PGCKA1: variants seen among roughly 807,000 people sequenced by gnomAD.
PGCKA1 encodes PDCD10 and GCKIII kinases-associated protein 1.
chr4:37,558,841 A>G, the PGCKA1 span, among the ~76,000 whole-genome samples: 1 of 132,236 alleles, frequency 7.6e-6, no homozygotes, highest in African/African-American at 3.0e-5. Context: ...AACACATGAA[A>G]AAATGCTCAC....
chr4:37,555,715 G>A, the PGCKA1 span, among the ~76,000 whole-genome samples: 1 of 152,182 alleles, frequency 6.6e-6, no homozygotes, highest in Non-Finnish European at 1.5e-5. Flanking sequence ...ATTTGATGCT[G>A]TTGGACTGGT....
At chr4:37,587,841 C>T in the PGCKA1 span, among the ~76,000 whole-genome samples, 524 of 152,070 alleles carry the variant, frequency 3.4e-3, 3 homozygotes, top group Non-Finnish European at 3.8e-3. Flanking sequence ...TGGTGGCACC[C>T]GCCTGTAAAC....
At chr4:37,499,038 C>T in the PGCKA1 span, among the ~76,000 whole-genome samples, 53 of 152,060 alleles carry the variant, frequency 3.5e-4, no homozygotes, top group African/African-American at 1.2e-3. Flanking sequence ...AATGAAGGGG[C>T]GTTGAATTTT....
At chr4:37,551,216 A>T in the PGCKA1 span, among the ~76,000 whole-genome samples, 1 of 152,196 alleles carries the variant, frequency 6.6e-6, no homozygotes, top group African/African-American at 2.4e-5. Context: ...AATTGACACC[A>T]TTAAACCATC....
chr4:37,505,528 A>G, the PGCKA1 span, among the ~76,000 whole-genome samples: 488 of 152,314 alleles, frequency 3.2e-3, 1 homozygote, highest in Non-Finnish European at 3.5e-3. Flanking sequence ...AAACAGGTTT[A>G]ATCAGGCTTA....
At chr4:37,588,142 T>G in the PGCKA1 span, 1 of 152,104 alleles carries the variant, frequency 6.6e-6, no homozygotes, top group Non-Finnish European at 1.5e-5. Flanking sequence ...AAGCCCAGCT[T>G]GGGGAGGGGT....
At chr4:37,481,074 G>A in the PGCKA1 span, among the ~76,000 whole-genome samples, 1 of 152,184 alleles carries the variant, frequency 6.6e-6, no homozygotes, top group African/African-American at 2.4e-5. Flanking sequence ...CAAATTATTT[G>A]AACCTAGATT....
At chr4:37,572,661 T>C in the PGCKA1 span, among the ~76,000 whole-genome samples, 1 of 152,220 alleles carries the variant, frequency 6.6e-6, no homozygotes, top group Non-Finnish European at 1.5e-5. Flanking sequence ...TTTTGGAATA[T>C]TTGCATGTAT....
At chr4:37,583,448 T>G in the PGCKA1 span, among the ~76,000 whole-genome samples, 6 of 149,004 alleles carry the variant, frequency 4.0e-5, no homozygotes, top group South Asian at 6.5e-4. Context: ...TTTGTTTTTT[T>G]TTTTTTGAGA....
chr4:37,543,624 G>A, the PGCKA1 span, among the ~76,000 whole-genome samples: 31 of 151,682 alleles, frequency 2.0e-4, no homozygotes, highest in African/African-American at 7.5e-4. Context: ...GGCGGATCAC[G>A]AGGTCAGGAG....
chr4:37,533,610 A>G, the PGCKA1 span, among the ~76,000 whole-genome samples: 2 of 152,202 alleles, frequency 1.3e-5, no homozygotes, highest in Admixed American at 6.5e-5. Context: ...TGACCCTTAT[A>G]TATTTCTAAC....
chr4:37,516,365 G>A, the PGCKA1 span, among the ~76,000 whole-genome samples: 20 of 152,236 alleles, frequency 1.3e-4, no homozygotes, highest in Non-Finnish European at 2.5e-4. Flanking sequence ...GATGTTTTCC[G>A]AAGTGTTTAG....
At chr4:37,460,565 G>T in the PGCKA1 span, 2 of 452,886 alleles carry the variant, frequency 4.4e-6, no homozygotes, top group Non-Finnish European at 8.9e-6. Flanking sequence ...TTGTGGTTTT[G>T]ATTTGCATTT....
chr4:37,523,148 A>G, the PGCKA1 span, among the ~76,000 whole-genome samples: 1 of 152,216 alleles, frequency 6.6e-6, no homozygotes, highest in African/African-American at 2.4e-5. Context: ...TGAGAACTCA[A>G]GTTCTGACCA....
At chr4:37,493,051 G>GAT in the PGCKA1 span, among the ~76,000 whole-genome samples, 5 of 152,008 alleles carry the variant, frequency 3.3e-5, no homozygotes, top group South Asian at 8.3e-4. Context: ...TATGTGTATA[G>GAT]ATATATATAT....
At chr4:37,475,674 T>A in the PGCKA1 span, among the ~76,000 whole-genome samples, 1 of 152,136 alleles carries the variant, frequency 6.6e-6, no homozygotes, top group South Asian at 2.1e-4. Context: ...CTATTTTGTT[T>A]AATTAGGTCA....
the PGCKA1 span, among the ~76,000 whole-genome samples, chr4:37,496,052 C>T: frequency 6.6e-6 from 1 of 152,124 alleles, no homozygotes; most frequent in Non-Finnish European, 1.5e-5. Flanking sequence ...AACCTATAGA[C>T]AACCATTCTA....
At chr4:37,539,419 G>T in the PGCKA1 span, among the ~76,000 whole-genome samples, 8 of 152,170 alleles carry the variant, frequency 5.3e-5, no homozygotes, top group Non-Finnish European at 1.0e-4. Flanking sequence ...CACTTTGGGA[G>T]GCCAAGGTGG....
chr4:37,583,032 T>C, the PGCKA1 span, among the ~76,000 whole-genome samples: 1 of 152,238 alleles, frequency 6.6e-6, no homozygotes, highest in Non-Finnish European at 1.5e-5. Context: ...AGGTAGAGTG[T>C]TCCCTTTCCC....
Sources: gnomAD v4.1 joint callset for allele counts (sites outside exome capture counted in the v4.1 genomes callset) on GRCh38, gnomAD v4.1.1 for gene constraint, MANE v1.5 for transcripts, NCBI Gene and HGNC (gene_info 2026-07-23, HGNC 2026-07-21) for gene names.